HOMER2: variants seen among roughly 807,000 people sequenced by gnomAD.
HOMER2 encodes homer protein homolog 2.
In HOMER2, 27 loss-of-function variants were observed where a neutral mutation model predicts 47.0. The observed-to-expected ratio is 0.57, with a 90% CI of 0.42 to 0.79. The LOEUF (loss-of-function observed/expected upper bound fraction) is 0.79. Among genes scored for constraint, HOMER2 ranks in the 30% least tolerant of loss-of-function variants. The probability of loss-of-function intolerance (pLI) is 0.00; values close to 1 mark genes in which losing one functional copy is unlikely to be tolerated. For missense variants in HOMER2, 443 were observed against 435.0 expected, an observed-to-expected ratio of 1.02 and a Z score of -0.16; for synonymous variants, 161 against 163.8, an observed-to-expected ratio of 0.98 and a Z score of 0.13.
intron 1 of HOMER2, among the ~76,000 whole-genome samples, chr15:82,966,239 T>C (rs563062720): frequency 1.3e-5 from 2 of 152,106 alleles, no homozygotes; most frequent in African/African-American, 4.8e-5. Flanking sequence ...GGAGGAAAAG[T>C]GGAGGTACAG....
At chr15:82,946,388 C>T (rs1039686295) in intron 1 of HOMER2, among the ~76,000 whole-genome samples, 12 of 152,212 alleles carry the variant, frequency 7.9e-5, no homozygotes. Context: ...ACCTCCCTGA[C>T]CTCTTCACCT....
chr15:82,905,005 A>G (rs920932100), intron 1 of HOMER2, among the ~76,000 whole-genome samples: 3 of 152,222 alleles, frequency 2.0e-5, no homozygotes, highest in Non-Finnish European at 4.4e-5. Context: ...AATGATTAAT[A>G]TGCTAAGGGC....
At chr15:82,940,065 C>T (rs2054228693) in intron 1 of HOMER2, among the ~76,000 whole-genome samples, 1 of 151,884 alleles carries the variant, frequency 6.6e-6, no homozygotes, top group Non-Finnish European at 1.5e-5. Context: ...CGAGGCCTGT[C>T]GTGGGGTCGG....
chr15:82,932,294 C>T (rs1049790298), intron 1 of HOMER2, among the ~76,000 whole-genome samples: 4 of 152,122 alleles, frequency 2.6e-5, no homozygotes, highest in African/African-American at 7.2e-5. Context: ...CAGGAGTTTG[C>T]GACTAGCATG....
At chr15:82,940,264 A>C (rs185581220) in intron 1 of HOMER2, among the ~76,000 whole-genome samples, 3 of 152,342 alleles carry the variant, frequency 2.0e-5, no homozygotes, top group Admixed American at 2.0e-4. Flanking sequence ...GAGTTAAATG[A>C]GATATTGCAT....
intron 1 of HOMER2, among the ~76,000 whole-genome samples, chr15:82,928,862 A>G (rs949037148): frequency 6.7e-6 from 1 of 150,200 alleles, no homozygotes; most frequent in Non-Finnish European, 1.5e-5. Flanking sequence ...TCACATTCCC[A>G]ACAGATGAAT....
intron 3 of HOMER2, among the ~76,000 whole-genome samples, chr15:82,869,226 C>G (rs368009069): frequency 8.8e-4 from 134 of 152,226 alleles, no homozygotes; most frequent in African/African-American, 3.1e-3. Context: ...AGCCAAGAAC[C>G]TTCCCAGGTG....
chr15:82,905,566 A>T (rs2053263377), intron 1 of HOMER2, among the ~76,000 whole-genome samples: 1 of 152,186 alleles, frequency 6.6e-6, no homozygotes, highest in African/African-American at 2.4e-5. Context: ...AATCTTGAAA[A>T]AAGCCAGAGG....
intron 1 of HOMER2, among the ~76,000 whole-genome samples, chr15:82,946,400 C>T (rs1203801605): frequency 4.6e-5 from 7 of 152,218 alleles, no homozygotes; most frequent in Admixed American, 2.6e-4. Context: ...TCTTCACCTT[C>T]GTGCTCTCTC....
At chr15:82,884,698 G>C (rs1362583153) in intron 2 of HOMER2, among the ~76,000 whole-genome samples, 3 of 79,044 alleles carry the variant, frequency 3.8e-5, no homozygotes, top group Non-Finnish European at 6.8e-5. Context: ...CTCTCTGTCT[G>C]TTGTTGGTGT....
chr15:82,844,644 T>A (rs1230482387), downstream of HOMER2: 1 of 152,078 alleles, frequency 6.6e-6, no homozygotes, highest in Non-Finnish European at 1.5e-5. Context: ...TTCCCACTCA[T>A]CTGGAATTTC....
chr15:82,876,109 G>A (rs1409000364), intron 2 of HOMER2, among the ~76,000 whole-genome samples: 1 of 152,168 alleles, frequency 6.6e-6, no homozygotes, highest in Non-Finnish European at 1.5e-5. Flanking sequence ...GTCAGCACAT[G>A]GCAACCTCAC....
intron 5 of HOMER2, among the ~76,000 whole-genome samples, chr15:82,858,444 C>T (rs1165880912): frequency 6.6e-6 from 1 of 152,070 alleles, no homozygotes; most frequent in East Asian, 1.9e-4. Context: ...AGGTAAACAC[C>T]ACCATAGCTG....
At chr15:82,951,953 G>T in intron 1 of HOMER2, 2 of 561,318 alleles carry the variant, frequency 3.6e-6, no homozygotes, top group Non-Finnish European at 2.3e-6. Flanking sequence ...CTTCGACAGA[G>T]TATTTCAACT....
chr15:82,838,095 G>A (rs915871142), exon 2 of HOMER2: 1 of 152,602 alleles, frequency 6.6e-6, no homozygotes, highest in African/African-American at 2.4e-5. Flanking sequence ...GGCAGGGGAA[G>A]AGCCTGCAGG....
At chr15:82,856,869 G>T (rs1457283262) in intron 5 of HOMER2, among the ~76,000 whole-genome samples, 1 of 152,172 alleles carries the variant, frequency 6.6e-6, no homozygotes, top group Non-Finnish European at 1.5e-5. Flanking sequence ...GCCTCTGGTA[G>T]GCTCCTGAAG....
Position 82,963,115 on chromosome 15 carries a change from G to C in HOMER2, n.83-3807C>G, listed in dbSNP as rs114699389. 1.0e-2 allele frequency among the ~76,000 whole-genome samples: 1,522 copies of C among 152,228 alleles called. 21 individuals are homozygous for C. Among genetic ancestry groups the C allele is most frequent in the African/African-American group, 0.035 (1,450 of 41,518 alleles). ...CAACATGGTGAAACCTTGTCTTCTT[G>C]TTGTTGTTGCCCAGGCTAGCGTGTA... On this transcript the variant is annotated intron_variant and non_coding_transcript_variant, in intron 1 of 1. Transcript: ENST00000500334.
intron 1 of HOMER2, among the ~76,000 whole-genome samples, chr15:82,906,726 G>A (rs529449768): frequency 7.5e-4 from 114 of 152,092 alleles, no homozygotes; most frequent in African/African-American, 2.6e-3. Context: ...GAGCCACCGC[G>A]CCCAGCCACA....
rs1196340431 is a variant in HOMER2, at chr15:82,851,167, A to T, written c.827T>A (p.Val276Asp). 6.3e-7 allele frequency: 1 copy of T among 1,579,978 alleles called. No homozygotes were observed. Among genetic ancestry groups the T allele is most frequent in the East Asian group, 2.3e-5 (1 of 43,822 alleles). The change falls in exon 8 of 9, where the codon GTC (valine) becomes GAC (aspartate). Residue 276 changes from valine to aspartate, a missense_variant. By Grantham distance (152) the Val-to-Asp change is radical. Transcript: ENST00000450735. Reference sequence around the variant, plus strand: ...CCCACGTACCTCTAGCTTCTCAGAGACATATTCGCACTCTGACATGAGCTG... The same window carrying T: ...CCCACGTACCTCTAGCTTCTCAGAGTCATATTCGCACTCTGACATGAGCTG... Reference protein sequence around the residue: ...IPQLMSECEYVSEKLEAAERD... With the variant: ...IPQLMSECEYDSEKLEAAERD...
Sources: allele counts gnomAD v4.1 joint callset (sites outside exome capture counted in the v4.1 genomes callset), GRCh38; gene constraint gnomAD v4.1.1; transcripts MANE v1.5; gene names NCBI Gene and HGNC (gene_info 2026-07-23, HGNC 2026-07-21).